The following EBF2 variants were observed in gnomAD, a reference collection of about 807,000 sequenced individuals.
EBF2 encodes the protein transcription factor COE2.
A neutral mutation model predicts 72.8 loss-of-function variants in EBF2; 21 were observed. That is an observed-to-expected ratio of 0.29 (90% CI 0.20 to 0.42). EBF2 has a LOEUF of 0.42. Among genes scored for constraint, EBF2 ranks in the 10% least tolerant of loss-of-function variants. The probability of loss-of-function intolerance (pLI) is 1.00; values close to 1 mark genes in which losing one functional copy is unlikely to be tolerated. For synonymous variants in EBF2, 299 were observed against 274.2 expected (o/e 1.09, Z -0.89); for missense variants, 637 against 731.2 (o/e 0.87, Z 1.49).
intron 6 of EBF2, among the ~76,000 whole-genome samples, chr8:25,984,986 C>A (rs954893134): frequency 3.3e-5 from 5 of 151,390 alleles, no homozygotes; most frequent in African/African-American, 1.2e-4. Flanking sequence ...GAAAAGGTAT[C>A]TTTCTTCTGT....
At chr8:25,955,519 G>A (rs959380443) in intron 6 of EBF2, among the ~76,000 whole-genome samples, 4 of 152,174 alleles carry the variant, frequency 2.6e-5, no homozygotes, top group Admixed American at 6.5e-5. Context: ...ATATACTCCT[G>A]TGTCCAGGCA....
chr8:25,909,100 G>A (rs1343343272), intron 6 of EBF2, among the ~76,000 whole-genome samples: 1 of 152,180 alleles, frequency 6.6e-6, no homozygotes, highest in African/African-American at 2.4e-5. Flanking sequence ...ATATGCCAGA[G>A]TTTTTATGAT....
chr8:26,042,366 T>A (rs2117268300), intron 1 of EBF2, 115 bp from the exon 2 acceptor site: 2 of 1,291,120 alleles, frequency 1.5e-6, no homozygotes, highest in East Asian at 2.6e-5. Context: ...AGGTCCAGAG[T>A]TCTGAACCCT....
chr8:25,864,572 TTTAAC>T (rs1396690009), intron 10 of EBF2, among the ~76,000 whole-genome samples: 1 of 152,098 alleles, frequency 6.6e-6, no homozygotes, highest in Non-Finnish European at 1.5e-5. Context: ...ATGTTTATTA[TTTAAC>T]TTATCTGGAT....
At chr8:26,007,017 C>T (rs1295726996) in intron 6 of EBF2, among the ~76,000 whole-genome samples, 2 of 152,188 alleles carry the variant, frequency 1.3e-5, no homozygotes, top group East Asian at 1.9e-4. Flanking sequence ...GGAGCAGGCC[C>T]TTCTAGACAG....
chr8:25,963,802 G>A (rs1804073332), intron 6 of EBF2, among the ~76,000 whole-genome samples: 1 of 152,168 alleles, frequency 6.6e-6, no homozygotes, highest in Non-Finnish European at 1.5e-5. Context: ...TATGTGGATT[G>A]CTAGCTAATT....
chr8:25,923,736 T>C (rs1803341770), intron 6 of EBF2, among the ~76,000 whole-genome samples: 1 of 152,226 alleles, frequency 6.6e-6, no homozygotes. Flanking sequence ...GGCCAGGTCA[T>C]GGTTTTTCAC....
chr8:25,929,390 C>T (rs775267823), intron 6 of EBF2, among the ~76,000 whole-genome samples: 1 of 152,142 alleles, frequency 6.6e-6, no homozygotes, highest in Non-Finnish European at 1.5e-5. Flanking sequence ...CTTCTGAAAA[C>T]ATTTTGTCAG....
rs1192737007 is a variant in EBF2, at chr8:25,967,439, C to G, written c.552-58884G>C. Among the ~76,000 whole-genome samples the G allele has an allele frequency of 3.9e-5, 6 of 152,182 alleles. No homozygotes were observed. The East Asian group carries it at 9.6e-4, about 24-fold the overall frequency. ...CTAGTGAGCATCATAGCTTATTACT[C>G]TAAACTACCTTGAATGTGTACAGAA... is the stretch of plus-strand genomic sequence containing the variant. On this transcript the variant is annotated intron_variant, in intron 6 of 15. Coordinates refer to ENST00000520164, the MANE Select transcript of EBF2 (RefSeq NM_022659.4).
intron 6 of EBF2, among the ~76,000 whole-genome samples, chr8:26,027,869 G>A (rs1438535524): frequency 2.0e-5 from 3 of 152,124 alleles, no homozygotes; most frequent in Non-Finnish European, 4.4e-5. Context: ...AAAAAGATAA[G>A]CACTACCTGG....
chr8:25,957,556 G>A (rs1344754249), intron 6 of EBF2, among the ~76,000 whole-genome samples: 2 of 152,120 alleles, frequency 1.3e-5, no homozygotes, highest in Non-Finnish European at 2.9e-5. Context: ...CTACATCCAA[G>A]GCTGGACAAG....
rs370273469 is a variant in EBF2, at chr8:25,903,596, C to T, written c.633+4878G>A. Among the ~76,000 whole-genome samples, 25 of 152,246 alleles carry T rather than the reference C, an allele frequency of 1.6e-4. No individual in the cohort carries two copies. In the South Asian group the frequency reaches 1.9e-3, roughly 11 times the overall value. On this transcript the variant is annotated intron_variant, in intron 7 of 15. Transcript: ENST00000520164. ...CCTGTAATCCCAGCTACTCTGGAGG[C>T]TGAGGCAGGAGAATGGCGTGAATCC...
At chr8:26,025,350 T>C (rs1805286481) in intron 6 of EBF2, among the ~76,000 whole-genome samples, 1 of 152,178 alleles carries the variant, frequency 6.6e-6, no homozygotes, top group Non-Finnish European at 1.5e-5. Flanking sequence ...CCATGCCTAT[T>C]GTATTCGCTG....
chr8:26,040,079 T>C lies in EBF2; in HGVS notation c.431A>G (p.Asn144Ser). 6.2e-7 allele frequency: 1 copy of C among 1,614,046 alleles called. No individual in the cohort carries two copies. Among genetic ancestry groups the C allele is most frequent in the Non-Finnish European group, 8.5e-7 (1 of 1,179,950 alleles). The change falls in exon 5 of 16, where the codon AAT becomes AGT. Residue 144 changes from asparagine (N) to serine (S), a missense_variant. Coordinates refer to ENST00000520164, the MANE Select transcript of EBF2 (RefSeq NM_022659.4). Reference sequence around the variant, plus strand: ...AACTCGGCACATTTCCGGATTCTTATTCTGTCCCTCGTAAGCGATGGGCTG... The same window carrying C: ...AACTCGGCACATTTCCGGATTCTTACTCTGTCCCTCGTAAGCGATGGGCTG... ...TKQPIAYEGQ[N>S]KNPEMCRVLL...
intron 10 of EBF2, among the ~76,000 whole-genome samples, chr8:25,872,107 G>A (rs762553454): frequency 1.3e-5 from 2 of 152,126 alleles, no homozygotes; most frequent in Non-Finnish European, 2.9e-5. Context: ...TTCTACTTCT[G>A]TTTCACAAAA....
intron 6 of EBF2, among the ~76,000 whole-genome samples, chr8:25,990,162 T>G (rs1179307887): frequency 2.0e-5 from 3 of 151,680 alleles, no homozygotes; most frequent in Admixed American, 6.6e-5. Flanking sequence ...TACATCTGCA[T>G]GTATATAATA....
chr8:26,041,322 T>C (rs2117267047), intron 2 of EBF2: 1 of 391,844 alleles, frequency 2.6e-6, no homozygotes, highest in South Asian at 2.9e-5. Flanking sequence ...ACCCAACCCA[T>C]CGGGCTCTGT....
chr8:25,896,863 C>T (rs1347332011), intron 7 of EBF2, among the ~76,000 whole-genome samples: 2 of 152,188 alleles, frequency 1.3e-5, no homozygotes, highest in African/African-American at 4.8e-5. Flanking sequence ...TGGGCTACTG[C>T]AGTTTGTTCT....
intron 6 of EBF2, among the ~76,000 whole-genome samples, chr8:26,019,325 C>A (rs367671032): frequency 6.6e-6 from 1 of 151,996 alleles, no homozygotes; most frequent in African/African-American, 2.4e-5. Flanking sequence ...GCTTTGGCAT[C>A]CCCAAGAAGC....
Sources: allele counts gnomAD v4.1 joint callset (sites outside exome capture counted in the v4.1 genomes callset), GRCh38; gene constraint gnomAD v4.1.1; transcripts MANE v1.5; gene names NCBI Gene and HGNC (gene_info 2026-07-23, HGNC 2026-07-21).